Variants in FOCAD observed in about 807,000 individuals in gnomAD.
FOCAD encodes focadhesin.
A neutral mutation model predicts 225.6 loss-of-function variants in FOCAD; 198 were observed. The ratio of observed to expected loss-of-function variants is 0.88; its 90% CI spans 0.78 to 0.99. The LOEUF is 0.99. FOCAD is among the 50% of genes least tolerant of loss of function. The pLI is 0.00. For synonymous variants in FOCAD, 897 were observed against 755.0 expected, an observed-to-expected ratio of 1.19 and a Z score of -3.08; for missense variants, 2,713 against 2,123.6, an observed-to-expected ratio of 1.28 and a Z score of -5.46.
intron 19 of FOCAD, among the ~76,000 whole-genome samples, chr9:20,881,560 A>G (rs1204328968): frequency 6.6e-6 from 1 of 152,196 alleles, no homozygotes; most frequent in Non-Finnish European, 1.5e-5. Flanking sequence ...TAATAAGTAG[A>G]TAAATAGCAG....
chr9:20,918,571 A>T (rs962066005), intron 24 of FOCAD, among the ~76,000 whole-genome samples: 2 of 152,008 alleles, frequency 1.3e-5, no homozygotes, highest in Admixed American at 6.5e-5. Flanking sequence ...AAAATACAAA[A>T]AAATTAGCCG....
chr9:20,716,875 T>C (rs1410051561), intron 2 of FOCAD, among the ~76,000 whole-genome samples: 1 of 152,172 alleles, frequency 6.6e-6, no homozygotes, highest in Non-Finnish European at 1.5e-5. Flanking sequence ...AAAACCAAAA[T>C]TCCGACTTAT....
At chr9:20,766,915 A>G (rs914460952) in intron 7 of FOCAD, among the ~76,000 whole-genome samples, 7 of 151,972 alleles carry the variant, frequency 4.6e-5, no homozygotes, top group South Asian at 2.1e-4. Flanking sequence ...ATGCTGGTGC[A>G]CTGCACCCAC....
At chr9:20,718,485 A>G (rs1029196891) in intron 3 of FOCAD, among the ~76,000 whole-genome samples, 11 of 152,230 alleles carry the variant, frequency 7.2e-5, no homozygotes, top group African/African-American at 2.7e-4. Context: ...TATAGGGAAC[A>G]TAAGTGATGG....
intron 20 of FOCAD, among the ~76,000 whole-genome samples, chr9:20,883,153 A>T (rs958342529): frequency 2.2e-4 from 33 of 152,326 alleles, no homozygotes; most frequent in African/African-American, 7.0e-4. Flanking sequence ...ACAAAGGAAG[A>T]AGCTGGAAAT....
rs562562626 is a variant in FOCAD at position 20,995,563 on chromosome 9, G to A, written c.5340G>A (p.Leu1780=). 205 of 1,612,448 alleles carry A rather than the reference G, an allele frequency of 1.3e-4. 3 individuals carry two copies. The South Asian group carries it at 2.2e-3, about 18-fold the overall frequency. The change falls in exon 44 of 44, where the codon CTG becomes CTA. Residue 1780 remains leucine, a synonymous_variant. Coordinates refer to ENST00000338382, the MANE Select transcript of FOCAD (RefSeq NM_001375567.1). The part of the protein sequence containing the change: ...AQSRDLLKAT[L]LSLRVLPEFK... Reference sequence around the variant, plus strand: ...TATATTTTGTCCCCTTAGCCACCCTGCTGTCCTTGAGAGTTCTCCCAGAGT... The same window carrying A: ...TATATTTTGTCCCCTTAGCCACCCTACTGTCCTTGAGAGTTCTCCCAGAGT...
At position 20,981,430 on chromosome 9, in the gene FOCAD, A is replaced by G; in HGVS notation, c.4382A>G (p.Asn1461Ser). 3 of 1,613,978 alleles carry G rather than the reference A, an allele frequency of 1.9e-6. No individual in the cohort carries two copies. Among genetic ancestry groups the G allele is most frequent in the Non-Finnish European group, 2.5e-6 (3 of 1,179,838 alleles). ...CCCCTTCTGTTTTACTTCCAGCTGA[A>G]TACCAAGAGATATCTCCTGATATCT... Reference protein sequence around the residue: ...TPPLIHSLSLNTKRYLLISAP... With the variant: ...TPPLIHSLSLSTKRYLLISAP... Residue 1461 changes from asparagine (N) to serine (S), a missense_variant, in exon 38 of 44, where the codon AAT becomes AGT. Transcript: ENST00000338382.
rs141709352 is a variant in FOCAD at position 20,783,942 on chromosome 9, A to G, written c.1197+2013A>G. 4.5e-4 allele frequency among the ~76,000 whole-genome samples: 69 copies of G among 152,272 alleles called. 2 individuals are homozygous for G. The East Asian group carries it at 0.013, about 28-fold the overall frequency. On this transcript the variant is annotated intron_variant, in intron 10 of 43. Coordinates refer to ENST00000338382, the MANE Select transcript of FOCAD (RefSeq NM_001375567.1). ...TATTAGCAAGAGGTGTTTAGTTATA[A>G]AACCTTATAAAAAAGCATCTAAGGA...
chr9:20,960,860 C>T (rs866263972), intron 35 of FOCAD, among the ~76,000 whole-genome samples: 3 of 151,290 alleles, frequency 2.0e-5, no homozygotes, highest in South Asian at 2.1e-4. Context: ...TTTTTGTTCT[C>T]GTGATAGTTT....
chr9:20,662,814 G>A (rs1434157673), intron 2 of FOCAD, among the ~76,000 whole-genome samples: 1 of 152,046 alleles, frequency 6.6e-6, no homozygotes, highest in African/African-American at 2.4e-5. Context: ...TTTTGGAAGA[G>A]TCAGGAATAT....
rs188699053 is a variant in FOCAD at position 20,813,069 on chromosome 9, C to T, written c.1456-6727C>T. On this transcript the variant is annotated intron_variant, in intron 11 of 43. Coordinates refer to ENST00000338382, the MANE Select transcript of FOCAD (RefSeq NM_001375567.1). Reference sequence around the variant, plus strand: ...GGCAACCACCATTCTACTTTCTGCTCTAAGAGTTTGACCACTTTAGATACT... The same window carrying T: ...GGCAACCACCATTCTACTTTCTGCTTTAAGAGTTTGACCACTTTAGATACT... Among the ~76,000 whole-genome samples the T allele has an allele frequency of 4.6e-5, 7 of 152,202 alleles. No homozygotes were observed. The East Asian group carries it at 9.7e-4, about 21-fold the overall frequency.
At position 20,783,074 on chromosome 9, in the gene FOCAD, T is replaced by TGGGA. The variant is rs1228373422; in HGVS notation, c.1197+1147_1197+1150dup. ...TGTAGAACAATGATTGGATCTTGAA[T>TGGGA]GGGAGTGGGGGCAGGGCAAGAGTTG... On this transcript the variant is annotated intron_variant, in intron 10 of 43. Coordinates refer to ENST00000338382, the MANE Select transcript of FOCAD (RefSeq NM_001375567.1). 3.3e-5 allele frequency among the ~76,000 whole-genome samples: 5 copies of TGGGA among 152,268 alleles called. No homozygotes were observed. In the East Asian group the frequency reaches 9.6e-4, roughly 29 times the overall value.
At chr9:20,775,516 G>T (rs147088779) in intron 8 of FOCAD, among the ~76,000 whole-genome samples, 1 of 152,278 alleles carries the variant, frequency 6.6e-6, no homozygotes, top group African/African-American at 2.4e-5. Context: ...TCAAGCTCTG[G>T]CCAGGGGAAC....
intron 11 of FOCAD, among the ~76,000 whole-genome samples, chr9:20,811,270 T>C (rs1823042481): frequency 1.3e-5 from 2 of 152,112 alleles, no homozygotes; most frequent in Non-Finnish European, 2.9e-5. Flanking sequence ...TAGTGTTAGA[T>C]TGCTTTGATA....
intron 24 of FOCAD, among the ~76,000 whole-genome samples, chr9:20,922,382 T>C (rs765246025): frequency 6.6e-6 from 1 of 152,114 alleles, no homozygotes; most frequent in South Asian, 2.1e-4. Context: ...GCTTCAAGTC[T>C]TCACAGAGCT....
chr9:20,674,318 A>G (rs12352284), intron 2 of FOCAD, among the ~76,000 whole-genome samples: 5,040 of 152,208 alleles, frequency 0.033, 291 homozygotes, highest in African/African-American at 0.12. Flanking sequence ...ATTATGTGTA[A>G]GTGTACACCT....
chr9:20,789,445 C>A lies in FOCAD; in HGVS notation c.1292C>A (p.Ala431Glu). The change falls in exon 11 of 44, where the codon GCA becomes GAA. Residue 431 changes from alanine (A) to glutamate (E), a missense_variant. By Grantham distance (107) the Ala-to-Glu change is moderately radical. Transcript: ENST00000338382. ...GAAGTAATGACAGACTCGTCTGCTGCAAGTGACTGGTTGGCTTCAGTAGAG... is the reference window on the plus strand; with the variant it reads ...GAAGTAATGACAGACTCGTCTGCTGAAAGTGACTGGTTGGCTTCAGTAGAG... ...ILEVMTDSSA[A>E]SDWLASVESL... 1 of 1,614,050 alleles carries A rather than the reference C, an allele frequency of 6.2e-7. No homozygotes were observed. Among genetic ancestry groups the A allele is most frequent in the Non-Finnish European group, 8.5e-7 (1 of 1,179,974 alleles).
intron 15 of FOCAD, among the ~76,000 whole-genome samples, chr9:20,828,695 G>A (rs1178590200): frequency 6.6e-6 from 1 of 152,010 alleles, no homozygotes; most frequent in Admixed American, 6.6e-5. Context: ...ATAGGTAAAC[G>A]TGTGCCATGG....
At chr9:20,841,329 C>A (rs1031651722) in intron 15 of FOCAD, among the ~76,000 whole-genome samples, 1 of 150,008 alleles carries the variant, frequency 6.7e-6, no homozygotes, top group African/African-American at 2.4e-5. Context: ...ATGTTTAGTT[C>A]TTCTATAAAT....
Sources: allele counts gnomAD v4.1 joint callset (sites outside exome capture counted in the v4.1 genomes callset), GRCh38; gene constraint gnomAD v4.1.1; transcripts MANE v1.5; gene names NCBI Gene and HGNC (gene_info 2026-07-23, HGNC 2026-07-21).